Variants in NRCAM observed in about 807,000 individuals in gnomAD.
The protein encoded by NRCAM is neuronal cell adhesion molecule, also known as NgCAM-related cell adhesion molecule.
A neutral mutation model predicts 156.5 loss-of-function variants in NRCAM; 83 were observed. The observed-to-expected ratio is 0.53, with a 90% CI of 0.44 to 0.64. The LOEUF (loss-of-function observed/expected upper bound fraction) is 0.64. Among genes scored for constraint, NRCAM ranks in the 30% least tolerant of loss-of-function variants. The probability of loss-of-function intolerance (pLI) is 0.00; values close to 1 mark genes in which losing one functional copy is unlikely to be tolerated. For synonymous variants in NRCAM, 538 were observed against 563.9 expected (o/e 0.95, Z 0.65); for missense variants, 1,417 against 1,597.3 (o/e 0.89, Z 1.92).
At chr7:108,301,572 A>G (rs2154152996) in intron 3 of NRCAM, among the ~76,000 whole-genome samples, 1 of 152,280 alleles carries the variant, frequency 6.6e-6, no homozygotes, top group African/African-American at 2.4e-5. Context: ...TTCTGGGAAA[A>G]ATTTTTAAAG....
Position 108,191,811 on chromosome 7 carries a change from A to G in NRCAM, c.1821T>C (p.Ser607=). The G allele has an allele frequency of 6.2e-7, 1 of 1,613,830 alleles. No homozygotes were observed. Among genetic ancestry groups the G allele is most frequent in the Non-Finnish European group, 8.5e-7 (1 of 1,179,982 alleles). The part of the protein sequence containing the change: ...DKDHLVVADV[S]DDDSGTYTCV... Reference sequence around the variant, plus strand: ...ACGTGTAGGTCCCGCTGTCATCGTCACTGACATCAGCTACCACTAGATGAT... The same window carrying G: ...ACGTGTAGGTCCCGCTGTCATCGTCGCTGACATCAGCTACCACTAGATGAT... Residue 607 remains serine, a synonymous_variant, in exon 18 of 33, where the codon AGT becomes AGC. Transcript: ENST00000379028.
Position 108,159,561 on chromosome 7 carries a change from T to C in NRCAM, c.3599-20A>G, listed in dbSNP as rs758895756. The C allele has an allele frequency of 5.1e-6, 8 of 1,568,126 alleles. No homozygotes were observed. In the South Asian group the frequency reaches 8.9e-5, roughly 17 times the overall value. ...CTTTAACTAAAAAATGCCAAAATGG[T>C]ATTATTATCTGTTGATCCTGTTCTT... On this transcript the variant is annotated intron_variant, in intron 31 of 32. Transcript: ENST00000379028.
rs948699391 is a variant in NRCAM, at chr7:108,313,181, A to C, written c.-173-450T>G. On this transcript the variant is annotated intron_variant, in intron 2 of 32. Transcript: ENST00000379028. ...TCATAAAAAGAAGCTGGGAACAACC[A>C]AGATTTGAGGAGTGAGTTCCACCTG... 7.9e-5 allele frequency: 12 copies of C among 152,274 alleles called. No individual in the cohort carries two copies. In the South Asian group the frequency reaches 1.0e-3, roughly 13 times the overall value. 9.4% of individuals were successfully genotyped at this position (152,274 alleles called of 1,614,324 possible). A position where few individuals can be genotyped will look rare whatever the true frequency, so the allele number is the denominator to read the frequency against.
At chr7:108,258,628 T>C (rs527467764) in intron 3 of NRCAM, among the ~76,000 whole-genome samples, 2 of 152,290 alleles carry the variant, frequency 1.3e-5, no homozygotes, top group African/African-American at 4.8e-5. Flanking sequence ...GTTGCATTGG[T>C]TATGTTCAAC....
At chr7:108,222,542 T>G (rs536209298) in intron 11 of NRCAM, among the ~76,000 whole-genome samples, 1 of 152,124 alleles carries the variant, frequency 6.6e-6, no homozygotes, top group African/African-American at 2.4e-5. Flanking sequence ...CGATGGAAAC[T>G]GGGAGGATTT....
intron 12 of NRCAM, among the ~76,000 whole-genome samples, chr7:108,209,029 A>G (rs1354566969): frequency 1.3e-5 from 2 of 152,154 alleles, no homozygotes; most frequent in Non-Finnish European, 2.9e-5. Flanking sequence ...ACACGCTAAA[A>G]CTTCCCCAGT....
intron 32 of NRCAM, among the ~76,000 whole-genome samples, chr7:108,154,568 T>C (rs1219200654): frequency 6.6e-6 from 1 of 152,100 alleles, no homozygotes; most frequent in Non-Finnish European, 1.5e-5. Flanking sequence ...CAACACGGGC[T>C]GTGCTTGAAA....
intron 20 of NRCAM, among the ~76,000 whole-genome samples, chr7:108,188,911 C>T (rs542585428): frequency 6.6e-5 from 10 of 150,900 alleles, no homozygotes; most frequent in African/African-American, 9.7e-5. Flanking sequence ...TGTCTTCCTG[C>T]GGTATATGCC....
At chr7:108,370,726 A>G (rs533438282) in intron 2 of NRCAM, among the ~76,000 whole-genome samples, 1 of 152,234 alleles carries the variant, frequency 6.6e-6, no homozygotes, top group African/African-American at 2.4e-5. Flanking sequence ...TCTGTAATAC[A>G]TCTCCCACAT....
At chr7:108,219,369 A>C (rs2091246250) in intron 11 of NRCAM, among the ~76,000 whole-genome samples, 1 of 152,158 alleles carries the variant, frequency 6.6e-6, no homozygotes, top group South Asian at 2.1e-4. Flanking sequence ...TATCACCCTA[A>C]TACCAAAACC....
intron 3 of NRCAM, among the ~76,000 whole-genome samples, chr7:108,301,011 T>A (rs2098600105): frequency 6.6e-6 from 1 of 152,102 alleles, no homozygotes; most frequent in Non-Finnish European, 1.5e-5. Flanking sequence ...CTACACAACA[T>A]TCTCTATATT....
At chr7:108,382,307 C>G (rs2099705188) in intron 2 of NRCAM, among the ~76,000 whole-genome samples, 1 of 151,484 alleles carries the variant, frequency 6.6e-6, no homozygotes, top group Non-Finnish European at 1.5e-5. Flanking sequence ...CAAGGAAACA[C>G]TAACAAGGCT....
chr7:108,387,422 T>A (rs2099744119), intron 2 of NRCAM, among the ~76,000 whole-genome samples: 2 of 152,150 alleles, frequency 1.3e-5, no homozygotes, highest in African/African-American at 4.8e-5. Context: ...TACTTATAGG[T>A]AATTACTGGT....
rs141501422 is a variant in NRCAM, at chr7:108,340,600, C to G, written c.-173-27869G>C. 2.9e-3 allele frequency among the ~76,000 whole-genome samples: 440 copies of G among 152,286 alleles called. 4 individuals carry two copies. The highest frequency in any genetic ancestry group is 0.01 in the African/African-American group (433 of 41,568). The stretch of plus-strand genomic sequence containing the variant: ...GCAGGAAGTTCCCAGTGTACACCCT[C>G]ACTGGGACACAGAATCAAAACACGG... On this transcript the variant is annotated intron_variant, in intron 2 of 32. Coordinates refer to ENST00000379028, the MANE Select transcript of NRCAM (RefSeq NM_001037132.4).
intron 2 of NRCAM, among the ~76,000 whole-genome samples, chr7:108,336,506 TGTTAAAA>T (rs1244829743): frequency 6.6e-6 from 1 of 152,232 alleles, no homozygotes; most frequent in Non-Finnish European, 1.5e-5. Context: ...ATTACGAATA[TGTTAAAA>T]GTTAAAAGGT....
chr7:108,406,173 T>C (rs773001608), intron 1 of NRCAM, among the ~76,000 whole-genome samples: 1 of 151,950 alleles, frequency 6.6e-6, no homozygotes, highest in Non-Finnish European at 1.5e-5. Context: ...AAAATACTTC[T>C]GGCTGGAATC....
rs144703121 is a variant in NRCAM at position 108,268,718 on chromosome 7, G to C, written c.-106-28548C>G. ...AAATATATGACCACATTCTCTAGAG[G>C]ATTGTTCTACAGTGTTAGTGTAAAT... On this transcript the variant is annotated intron_variant, in intron 3 of 32. Coordinates refer to ENST00000379028, the MANE Select transcript of NRCAM (RefSeq NM_001037132.4). 9.6e-3 allele frequency among the ~76,000 whole-genome samples: 1,454 copies of C among 151,864 alleles called. 26 individuals carry two copies. Among genetic ancestry groups the C allele is most frequent in the African/African-American group, 0.033 (1,360 of 41,390 alleles).
intron 2 of NRCAM, among the ~76,000 whole-genome samples, chr7:108,377,813 C>T (rs1252475023): frequency 6.6e-6 from 1 of 151,990 alleles, no homozygotes; most frequent in Non-Finnish European, 1.5e-5. Context: ...AATACAAAAG[C>T]CATGATTATA....
chr7:108,438,675 G>A (rs958212177), intron 1 of NRCAM, among the ~76,000 whole-genome samples: 1 of 152,056 alleles, frequency 6.6e-6, no homozygotes, highest in Non-Finnish European at 1.5e-5. Flanking sequence ...AAAAATCAAT[G>A]GCATCAAAAT....
Sources: allele counts gnomAD v4.1 joint callset (sites outside exome capture counted in the v4.1 genomes callset), GRCh38; gene constraint gnomAD v4.1.1; transcripts MANE v1.5; gene names NCBI Gene and HGNC (gene_info 2026-07-23, HGNC 2026-07-21).